Variants in KCND2 observed in about 807,000 individuals in gnomAD.
KCND2 encodes A-type voltage-gated potassium channel KCND2.
KCND2 carries 16 observed loss-of-function variants against 54.4 expected under a neutral mutation model. The ratio of observed to expected loss-of-function variants is 0.29; its 90% confidence interval spans 0.20 to 0.45. The LOEUF (loss-of-function observed/expected upper bound fraction) is 0.45, where lower values mean the gene tolerates loss of function less well. KCND2 is among the 20% of genes least tolerant of loss of function. The probability of loss-of-function intolerance (pLI) is 1.00; values close to 1 mark genes in which losing one functional copy is unlikely to be tolerated. For missense variants in KCND2, 486 were observed against 824.2 expected (o/e 0.59, Z 5.02); for synonymous variants, 317 against 310.7 (o/e 1.02, Z -0.21).
At chr7:120,526,841 T>A (rs941379591) in intron 1 of KCND2, among the ~76,000 whole-genome samples, 1 of 152,172 alleles carries the variant, frequency 6.6e-6, no homozygotes, top group Non-Finnish European at 1.5e-5. Context: ...TCTATTTCTA[T>A]TGACATGTCA....
intron 1 of KCND2, among the ~76,000 whole-genome samples, chr7:120,352,599 G>A (rs560135893): frequency 2.0e-5 from 3 of 151,766 alleles, no homozygotes; most frequent in Non-Finnish European, 2.9e-5. Context: ...ACTGTTATAC[G>A]AGTCCTTAGA....
chr7:120,567,140 A>G (rs1338585361), intron 1 of KCND2, among the ~76,000 whole-genome samples: 2 of 152,186 alleles, frequency 1.3e-5, no homozygotes, highest in East Asian at 3.9e-4. Flanking sequence ...ATCAACGTTC[A>G]AGGATCATTG....
intron 1 of KCND2, among the ~76,000 whole-genome samples, chr7:120,704,450 T>C (rs1792441117): frequency 6.6e-6 from 1 of 152,172 alleles, no homozygotes. Context: ...GAGTTGTTTC[T>C]CTTTTAATAA....
chr7:120,543,073 T>C (rs1402020115), intron 1 of KCND2, among the ~76,000 whole-genome samples: 1 of 152,078 alleles, frequency 6.6e-6, no homozygotes, highest in Non-Finnish European at 1.5e-5. Flanking sequence ...ACTAAGGTTT[T>C]ATTAAGGAGA....
intron 1 of KCND2, among the ~76,000 whole-genome samples, chr7:120,393,515 C>T (rs1050375699): frequency 3.9e-5 from 6 of 151,924 alleles, no homozygotes; most frequent in African/African-American, 9.7e-5. Flanking sequence ...TTTTATGTGA[C>T]GTCTACAATG....
chr7:120,711,288 TTAAATTTCTGAGTG>T (rs1229160536), intron 1 of KCND2, among the ~76,000 whole-genome samples: 3 of 152,140 alleles, frequency 2.0e-5, no homozygotes, highest in Admixed American at 1.3e-4. Flanking sequence ...TTATACACAT[TTAAATTTCTGAGTG>T]TATATTTTGC....
At chr7:120,299,029 A>T (rs1192590652) in intron 1 of KCND2, among the ~76,000 whole-genome samples, 2 of 152,126 alleles carry the variant, frequency 1.3e-5, no homozygotes, top group Non-Finnish European at 2.9e-5. Context: ...GGGCAGTGGC[A>T]GATGCCTGTA....
rs2116237726 is a variant in KCND2, at chr7:120,273,331, G to A, written c.-1302G>A. Among the ~76,000 whole-genome samples, 1 of 150,406 alleles carries A rather than the reference G, an allele frequency of 6.6e-6. No homozygotes were observed. ...CCCTCCCGCGCCCCCGCGCTGCCGA[G>A]CGCCTTCTGCCTCCGCGCTCGGACG... On this transcript the variant is annotated 5_prime_UTR_variant, in exon 1 of 6. Transcript: ENST00000331113.
chr7:120,708,143 A>C (rs1486181445), intron 1 of KCND2, among the ~76,000 whole-genome samples: 1 of 152,200 alleles, frequency 6.6e-6, no homozygotes, highest in Non-Finnish European at 1.5e-5. Context: ...GAATTTTCAT[A>C]ATAGTTGTTA....
At chr7:120,648,129 A>G (rs1793465019) in intron 1 of KCND2, among the ~76,000 whole-genome samples, 8 of 152,208 alleles carry the variant, frequency 5.3e-5, no homozygotes, top group Admixed American at 3.9e-4. Context: ...CTCCTAAACT[A>G]TCTGTTTTGT....
intron 1 of KCND2, among the ~76,000 whole-genome samples, chr7:120,532,785 T>C (rs1791858068): frequency 6.6e-6 from 1 of 152,010 alleles, no homozygotes; most frequent in African/African-American, 2.4e-5. Flanking sequence ...ATCTGAGTTA[T>C]ATGTAAAATA....
At chr7:120,546,241 T>C (rs1209651420) in intron 1 of KCND2, among the ~76,000 whole-genome samples, 6 of 151,970 alleles carry the variant, frequency 3.9e-5, no homozygotes, top group Admixed American at 3.9e-4. Context: ...TATATGTTGA[T>C]TGAACACGGT....
chr7:120,481,959 G>A (rs998309655), intron 1 of KCND2, among the ~76,000 whole-genome samples: 1 of 152,264 alleles, frequency 6.6e-6, no homozygotes, highest in East Asian at 1.9e-4. Context: ...GGAGCTACAG[G>A]AACAGGGCTA....
At chr7:120,336,421 G>A (rs1800153581) in intron 1 of KCND2, among the ~76,000 whole-genome samples, 2 of 152,084 alleles carry the variant, frequency 1.3e-5, no homozygotes, top group African/African-American at 4.8e-5. Flanking sequence ...GGTCCATCTT[G>A]TGATTGCATG....
At chr7:120,512,875 A>T (rs1803141003) in intron 1 of KCND2, among the ~76,000 whole-genome samples, 1 of 150,904 alleles carries the variant, frequency 6.6e-6, no homozygotes, top group Non-Finnish European at 1.5e-5. Context: ...GCTCACTGCA[A>T]CCTCCAGCTC....
Position 120,314,282 on chromosome 7 carries a change from G to A in KCND2, c.1115+38535G>A, listed in dbSNP as rs185718187. On this transcript the variant is annotated intron_variant, in intron 1 of 5. Coordinates refer to ENST00000331113, the MANE Select transcript of KCND2 (RefSeq NM_012281.3). Reference sequence around the variant, plus strand: ...CGGGAGGTGGAGCTTGCAGTGAGCCGAGATCGCACCACTGCACCCCAGCCT... The same window carrying A: ...CGGGAGGTGGAGCTTGCAGTGAGCCAAGATCGCACCACTGCACCCCAGCCT... 4.3e-4 allele frequency among the ~76,000 whole-genome samples: 64 copies of A among 150,464 alleles called. No homozygotes were observed. The East Asian group carries it at 7.4e-3, about 17-fold the overall frequency.
chr7:120,374,837 G>C (rs1800815416), intron 1 of KCND2, among the ~76,000 whole-genome samples: 1 of 151,818 alleles, frequency 6.6e-6, no homozygotes, highest in African/African-American at 2.4e-5. Flanking sequence ...CACGCTGCTA[G>C]ATTTTAGTAA....
At chr7:120,369,940 G>A (rs529760450) in intron 1 of KCND2, among the ~76,000 whole-genome samples, 1 of 152,086 alleles carries the variant, frequency 6.6e-6, no homozygotes, top group South Asian at 2.1e-4. Context: ...TAAACGGTAA[G>A]TACTGTGACA....
chr7:120,596,046 T>G (rs1792741856), intron 1 of KCND2, among the ~76,000 whole-genome samples: 1 of 152,266 alleles, frequency 6.6e-6, no homozygotes, highest in Admixed American at 6.5e-5. Context: ...CAGACCCCAA[T>G]GTTTTCAGCC....
Sources: gnomAD v4.1 joint callset for allele counts (sites outside exome capture counted in the v4.1 genomes callset) on GRCh38, gnomAD v4.1.1 for gene constraint, MANE v1.5 for transcripts, NCBI Gene and HGNC (gene_info 2026-07-23, HGNC 2026-07-21) for gene names.